Variants in TRABD2B observed in about 807,000 individuals in gnomAD.
TRABD2B encodes the protein TraB domain containing 2B, also known as metalloprotease TIKI2.
Under a neutral mutation model 40.1 loss-of-function variants are expected in TRABD2B, and 14 were observed. The ratio of observed to expected loss-of-function variants is 0.35; its 90% CI spans 0.23 to 0.55. The LOEUF is 0.55. TRABD2B is among the 20% of genes least tolerant of loss of function. The pLI is 0.90. For synonymous variants in TRABD2B, 263 were observed against 277.0 expected (o/e 0.95, Z 0.50); for missense variants, 541 against 648.6 (o/e 0.83, Z 1.80).
At chr1:47,976,126 G>A (rs376957870) in intron 2 of TRABD2B, among the ~76,000 whole-genome samples, 118 of 152,288 alleles carry the variant, frequency 7.7e-4, no homozygotes, top group African/African-American at 2.4e-3. Context: ...TAAGCTTCCT[G>A]GGGGCAAGAT....
At chr1:47,854,421 G>A (rs975328860) in intron 2 of TRABD2B, among the ~76,000 whole-genome samples, 11 of 152,184 alleles carry the variant, frequency 7.2e-5, no homozygotes, top group African/African-American at 1.9e-4. Flanking sequence ...TGCTTCAGGC[G>A]TCTGAATTAA....
At chr1:47,849,901 T>C (rs776548001) in intron 2 of TRABD2B, among the ~76,000 whole-genome samples, 3 of 152,174 alleles carry the variant, frequency 2.0e-5, no homozygotes, top group Non-Finnish European at 4.4e-5. Context: ...TGATGGGACA[T>C]TTGGCTTAAC....
In TRABD2B at chr1:47,766,077, A is replaced by C. The variant is rs1276878556; in HGVS notation, c.1379T>G (p.Leu460Arg). The change falls in exon 7 of 7, where the codon CTG becomes CGG. Residue 460 changes from leucine to arginine, a missense_variant. This residue lies in a region of TRABD2B where 172 missense variants were observed against 155.8 expected (regional missense o/e 1.10). Transcript: ENST00000606738. ...STTASPPPLP[L>R]QPTHSSGTAK... ...GGTCCCCGAGCTGTGGGTGGGCTGC[A>C]GGGGCAGCGGGGGTGGTGAGGCGGT... 2.9e-5 allele frequency: 20 copies of C among 700,210 alleles called. No individual in the cohort carries two copies. The highest frequency in any genetic ancestry group is 5.2e-5 in the Non-Finnish European group (20 of 383,674). 43.4% of individuals were successfully genotyped at this position (700,210 alleles called of 1,614,324 possible). A position where few individuals can be genotyped will look rare whatever the true frequency, so the allele number is the denominator to read the frequency against.
intron 2 of TRABD2B, among the ~76,000 whole-genome samples, chr1:47,869,317 T>C (rs12022868): frequency 0.057 from 8,727 of 152,302 alleles, 445 homozygotes; most frequent in East Asian, 0.15. Flanking sequence ...TCTCAAGACT[T>C]GTTGAACCTA....
At position 47,847,628 on chromosome 1, in the gene TRABD2B, C is replaced by T. The variant is rs113485647; in HGVS notation, c.667-46009G>A. Among the ~76,000 whole-genome samples, 744 of 152,262 alleles carry T rather than the reference C, an allele frequency of 4.9e-3. 7 individuals carry two copies. The highest frequency in any genetic ancestry group is 0.016 in the African/African-American group (683 of 41,552). On this transcript the variant is annotated intron_variant, in intron 2 of 6. Transcript: ENST00000606738. ...CAGTATTCCCTCACATCTGCTCCAG[C>T]GCCCTGCAGCCCTTGCACATGGATC...
chr1:47,793,142 C>T (rs2124209442), intron 4 of TRABD2B, among the ~76,000 whole-genome samples: 1 of 152,294 alleles, frequency 6.6e-6, no homozygotes. Flanking sequence ...CCTCCCTTCT[C>T]TAAAACCTAT....
chr1:47,862,231 G>C (rs1437699012), intron 2 of TRABD2B, among the ~76,000 whole-genome samples: 4 of 152,236 alleles, frequency 2.6e-5, no homozygotes, highest in Admixed American at 2.0e-4. Flanking sequence ...CACCGTACTG[G>C]AAGTCCTAGC....
In TRABD2B at chr1:47,994,192, C is replaced by A; in HGVS notation, c.508G>T (p.Val170Leu). 6.5e-7 allele frequency: 1 copy of A among 1,543,216 alleles called. No individual in the cohort carries two copies. The stretch of plus-strand genomic sequence containing the variant: ...ACGTCCCTCTCTGTGAGCGAGTTTA[C>A]CATGAGCATCACCCAGACGGGCCTC... ...RKRPVWVMLM[V>L]NSLTERDVRF... The change falls in exon 2 of 7, where the codon GTA becomes TTA. Residue 170 changes from valine to leucine, a missense_variant. Physicochemically the swap from Val to Leu is conservative, Grantham distance 32. Coordinates refer to ENST00000606738, the MANE Select transcript of TRABD2B (RefSeq NM_001194986.2). This position sits in a 1 kb window ranked among gnomAD's most constrained non-coding sequence, Gnocchi z 6.7.
At position 47,996,685 on chromosome 1, in the gene TRABD2B, C is replaced by T; in HGVS notation, c.102+3G>A. On this transcript the variant is annotated splice_donor_region_variant and intron_variant, in intron 1 of 6. Coordinates refer to ENST00000606738, the MANE Select transcript of TRABD2B (RefSeq NM_001194986.2). This position sits in a 1 kb window ranked among gnomAD's most constrained non-coding sequence, Gnocchi z 4.6. ...GAGAGTGGCCGGGCAGGCGCTCGCT[C>T]ACCGATCCGGGCGGCCGGCACTGTC... 1 of 1,229,222 alleles carries T rather than the reference C, an allele frequency of 8.1e-7. No homozygotes were observed. Among genetic ancestry groups the T allele is most frequent in the Non-Finnish European group, 1.0e-6 (1 of 985,256 alleles). 76.1% of individuals were successfully genotyped at this position (1,229,222 alleles called of 1,614,324 possible). A position where few individuals can be genotyped will look rare whatever the true frequency, so the allele number is the denominator to read the frequency against.
At chr1:47,906,552 C>T (rs986836473) in intron 2 of TRABD2B, among the ~76,000 whole-genome samples, 11 of 152,198 alleles carry the variant, frequency 7.2e-5, no homozygotes, top group African/African-American at 2.2e-4. Flanking sequence ...AGATAGGATT[C>T]GAGCGTAGCA....
chr1:47,825,859 G>A (rs1645167274), intron 2 of TRABD2B, among the ~76,000 whole-genome samples: 1 of 152,168 alleles, frequency 6.6e-6, no homozygotes, highest in Non-Finnish European at 1.5e-5. Flanking sequence ...GGAGTCAGGA[G>A]CCTGGGTTCA....
At chr1:47,819,884 C>T (rs1163026538) in intron 2 of TRABD2B, 1 of 152,166 alleles carries the variant, frequency 6.6e-6, no homozygotes, top group Non-Finnish European at 1.5e-5. Context: ...TAAATTCTCA[C>T]AGGAGAGGAA....
chr1:47,922,369 A>G (rs1019065189), intron 2 of TRABD2B, among the ~76,000 whole-genome samples: 1 of 152,208 alleles, frequency 6.6e-6, no homozygotes, highest in Non-Finnish European at 1.5e-5. Flanking sequence ...CCAGGTAGGA[A>G]TCACTGGGGC....
At chr1:47,917,532 G>A (rs190783716) in intron 2 of TRABD2B, among the ~76,000 whole-genome samples, 2 of 152,036 alleles carry the variant, frequency 1.3e-5, no homozygotes, top group East Asian at 3.9e-4. Flanking sequence ...ACTAGCCTGG[G>A]CAATATAGTA....
rs925719033 is a variant in TRABD2B, at chr1:47,997,088, C to G, written c.-299G>C. 1.6e-4 allele frequency: 161 copies of G among 983,424 alleles called. No homozygotes were observed. The highest frequency in any genetic ancestry group is 1.9e-4 in the Non-Finnish European group (159 of 828,906). The allele number at this position is 983,424 out of a possible 1,614,324, so 60.9% of individuals were successfully genotyped here. Reference sequence around the variant, plus strand: ...GTTGGGGTCCGGGGGCGCGCGGGGTCCCGGAGCTGCGTCGCGGTCCAGGGG... The same window carrying G: ...GTTGGGGTCCGGGGGCGCGCGGGGTGCCGGAGCTGCGTCGCGGTCCAGGGG... On this transcript the variant is annotated 5_prime_UTR_variant, in exon 1 of 7. Coordinates refer to ENST00000606738, the MANE Select transcript of TRABD2B (RefSeq NM_001194986.2).
At chr1:47,938,939 CAGAGACAGAG>C (rs1053928283) in intron 2 of TRABD2B, among the ~76,000 whole-genome samples, 2 of 106 alleles carry the variant, frequency 0.019, no homozygotes, top group Admixed American at 0.071. Flanking sequence ...ATGAGACAGA[CAGAGACAGAG>C]ACAGAGACAG....
chr1:47,967,336 AACAC>A (rs56776440), intron 2 of TRABD2B, among the ~76,000 whole-genome samples: 32,409 of 146,830 alleles, frequency 0.22, 3,531 homozygotes, highest in East Asian at 0.26. Context: ...TAAGCAAGAA[AACAC>A]ACACACACAC....
At chr1:47,934,667 G>T (rs970639971) in intron 2 of TRABD2B, among the ~76,000 whole-genome samples, 1 of 152,202 alleles carries the variant, frequency 6.6e-6, no homozygotes. Context: ...GAAAATTCCC[G>T]TGATCTGCTT....
At chr1:47,920,154 G>T (rs1003463067) in intron 2 of TRABD2B, among the ~76,000 whole-genome samples, 1 of 152,202 alleles carries the variant, frequency 6.6e-6, no homozygotes, top group Non-Finnish European at 1.5e-5. Flanking sequence ...ATCGAGTGGT[G>T]GATGATGCCC....
Sources: gnomAD v4.1 joint callset for allele counts (sites outside exome capture counted in the v4.1 genomes callset) on GRCh38, gnomAD v4.1.1 for gene constraint, gnomAD v4.1.1 regional missense constraint, Gnocchi (gnomAD v3.1) non-coding constraint, MANE v1.5 for transcripts, NCBI Gene and HGNC (gene_info 2026-07-23, HGNC 2026-07-21) for gene names.